CLHC1: variants seen among roughly 807,000 people sequenced by gnomAD.
CLHC1 encodes the protein clathrin heavy chain linker domain-containing protein 1.
Under a neutral mutation model 69.5 loss-of-function variants are expected in CLHC1, and 72 were observed. The observed-to-expected ratio is 1.04, with a 90% CI of 0.86 to 1.26. CLHC1 has a LOEUF of 1.26. Ranked by LOEUF, CLHC1 falls within the 50% of genes most tolerant of loss-of-function variation. CLHC1 has a pLI of 0.00. For synonymous variants in CLHC1, 223 were observed against 224.3 expected, an observed-to-expected ratio of 0.99 and a Z score of 0.05; for missense variants, 790 against 679.3, an observed-to-expected ratio of 1.16 and a Z score of -1.81.
At chr2:55,189,871 C>T (rs1167969178) in intron 9 of CLHC1, among the ~76,000 whole-genome samples, 4 of 152,150 alleles carry the variant, frequency 2.6e-5, no homozygotes, top group African/African-American at 7.2e-5. Flanking sequence ...TCATAATCCT[C>T]AGGTATGAGG....
At chr2:55,206,784 C>T in intron 8 of CLHC1, 1 of 184,280 alleles carries the variant, frequency 5.4e-6, no homozygotes. Context: ...AGAAACATCG[C>T]CTAAAGGAAA....
intron 4 of CLHC1, among the ~76,000 whole-genome samples, chr2:55,216,711 C>A (rs1377857795): frequency 6.6e-6 from 1 of 151,970 alleles, no homozygotes; most frequent in African/African-American, 2.4e-5. Context: ...TTTGTAACGA[C>A]AGGGACTCAC....
Position 55,212,680 on chromosome 2 carries a change from A to C in CLHC1, c.492T>G (p.Pro164=). 1 of 1,596,438 alleles carries C rather than the reference A, an allele frequency of 6.3e-7. No individual in the cohort carries two copies. The change falls in exon 5 of 13, where the codon CCT becomes CCG. Residue 164 remains proline, a synonymous_variant. Coordinates refer to ENST00000401408, the MANE Select transcript of CLHC1 (RefSeq NM_152385.4). ...YCTFSKDPSK[P]IPGMTLQESM... ...TTAAACAAAATACAATACCTGGAAT[A>C]GGTTTTGAAGGATCTTTGGAGAAAG...
rs138867292 is a variant in CLHC1, at chr2:55,217,911, G to A, written c.265C>T (p.Arg89Ter). The change falls in exon 4 of 13, where the codon CGA (arginine) becomes TGA (stop). Residue 89 changes from arginine (R) to a stop codon, truncating the protein, a stop_gained. Transcript: ENST00000401408. LOFTEE classifies it high-confidence loss of function. ...CCATGAAGACAAAATGTAGTTCTTCGGTCTTTCTTTATTGTCTCAATAAAG... is the reference window on the plus strand; with the variant it reads ...CCATGAAGACAAAATGTAGTTCTTCAGTCTTTCTTTATTGTCTCAATAAAG... ...DAFIETIKKD[R>*]RTTFCLHGKL... is the part of the protein sequence containing the mutation. 5.8e-5 allele frequency: 93 copies of A among 1,600,256 alleles called. No individual in the cohort carries two copies. The South Asian group carries it at 9.1e-4, about 16-fold the overall frequency.
chr2:55,207,808 GAAGTA>G (rs1402367741), intron 8 of CLHC1, among the ~76,000 whole-genome samples: 2 of 152,160 alleles, frequency 1.3e-5, no homozygotes, highest in Non-Finnish European at 2.9e-5. Context: ...AAAAAGAGCT[GAAGTA>G]AATACGGCAA....
intron 9 of CLHC1, among the ~76,000 whole-genome samples, chr2:55,197,141 G>A (rs945962281): frequency 6.6e-6 from 1 of 152,150 alleles, no homozygotes; most frequent in African/African-American, 2.4e-5. Flanking sequence ...AAAATAGGAA[G>A]GACTTTGTCT....
intron 2 of CLHC1, among the ~76,000 whole-genome samples, chr2:55,226,543 A>G (rs1674726268): frequency 6.6e-6 from 1 of 152,194 alleles, no homozygotes; most frequent in South Asian, 2.1e-4. Context: ...ATGTTGTTAA[A>G]TCGTTTTTTA....
chr2:55,208,724 A>G lies in CLHC1; in HGVS notation c.815-14T>C. 1 of 1,539,230 alleles carries G rather than the reference A, an allele frequency of 6.5e-7. No individual in the cohort carries two copies. The highest frequency in any genetic ancestry group is 9.0e-7 in the Non-Finnish European group (1 of 1,112,458). On this transcript the variant is annotated splice_polypyrimidine_tract_variant and intron_variant, in intron 7 of 12. Coordinates refer to ENST00000401408, the MANE Select transcript of CLHC1 (RefSeq NM_152385.4). ...TGCCTTGGTCACCTGTAAATATTGA[A>G]AGTACTACTGGAAGATATTTAAGGT...
At chr2:55,219,620 A>G (rs1026275351) in intron 3 of CLHC1, among the ~76,000 whole-genome samples, 42 of 152,072 alleles carry the variant, frequency 2.8e-4, no homozygotes, top group Admixed American at 2.4e-3. Flanking sequence ...CACAATCCCC[A>G]CCATTCCTTA....
intron 9 of CLHC1, among the ~76,000 whole-genome samples, chr2:55,184,267 G>A (rs981382934): frequency 6.6e-6 from 1 of 151,824 alleles, no homozygotes; most frequent in Non-Finnish European, 1.5e-5. Flanking sequence ...CACCACGGCC[G>A]GCTAATTTTT....
intron 9 of CLHC1, among the ~76,000 whole-genome samples, chr2:55,199,133 C>G (rs1230298140): frequency 6.6e-6 from 1 of 151,574 alleles, no homozygotes; most frequent in Admixed American, 6.6e-5. Flanking sequence ...CCCATCTCTA[C>G]TAAAATACAA....
chr2:55,212,526 A>G, intron 5 of CLHC1, 147 bp downstream of exon 5: 1 of 650,636 alleles, frequency 1.5e-6, no homozygotes, highest in South Asian at 2.0e-5. Flanking sequence ...CCTTGAATCT[A>G]CCTACAGTCC....
At chr2:55,191,888 G>C (rs972888241) in intron 9 of CLHC1, among the ~76,000 whole-genome samples, 6 of 152,058 alleles carry the variant, frequency 3.9e-5, no homozygotes, top group Non-Finnish European at 5.9e-5. Flanking sequence ...TGCACTCCCA[G>C]TTACTCTAGA....
chr2:55,207,225 A>G (rs2103920643), intron 8 of CLHC1, among the ~76,000 whole-genome samples: 1 of 152,278 alleles, frequency 6.6e-6, no homozygotes, highest in East Asian at 1.9e-4. Flanking sequence ...TTAGCACAAG[A>G]AGGAAAGATA....
chr2:55,176,033 T>A (rs1558436918), intron 12 of CLHC1, 47 bp from the exon 13 acceptor site: 1 of 1,460,072 alleles, frequency 6.8e-7, no homozygotes, highest in Non-Finnish European at 9.5e-7. Context: ...TATTTGATAA[T>A]CTATACTTTA....
In CLHC1 at chr2:55,223,708, G is replaced by C. The variant is rs556054377; in HGVS notation, c.-82-1215C>G. On this transcript the variant is annotated intron_variant, in intron 2 of 12. Transcript: ENST00000401408. ...TCAGCGGTCCCTGCTCACAGGCACC[G>C]CCCCCAGGAGCCTCGGCAGGGGCCT... Among the ~76,000 whole-genome samples, 369 of 152,156 alleles carry C rather than the reference G, an allele frequency of 2.4e-3. 1 individual carries two copies. The highest frequency in any genetic ancestry group is 8.5e-3 in the African/African-American group (354 of 41,520).
Position 55,180,409 on chromosome 2 carries a change from AT to A in CLHC1, c.1384+100del. 5.0e-6 allele frequency: 4 copies of A among 795,312 alleles called. No homozygotes were observed. The South Asian group carries it at 5.3e-5, about 11-fold the overall frequency. 49.3% of individuals were successfully genotyped at this position (795,312 alleles called of 1,614,324 possible). A position where few individuals can be genotyped will look rare whatever the true frequency, so the allele number is the denominator to read the frequency against. ...CTACTTATTGGTATATATAAAATTGATTTTATAACGTAAGTTTAAAGTAGTG... is the reference window on the plus strand; with the variant it reads ...CTACTTATTGGTATATATAAAATTGATTTATAACGTAAGTTTAAAGTAGTG... On this transcript the variant is annotated intron_variant, in intron 11 of 12. Transcript: ENST00000401408.
At chr2:55,179,408 T>C (rs770372858) in intron 11 of CLHC1, among the ~76,000 whole-genome samples, 8 of 152,156 alleles carry the variant, frequency 5.3e-5, no homozygotes, top group Non-Finnish European at 8.8e-5. Flanking sequence ...TAGCTATTAT[T>C]ACAATAATAG....
At chr2:55,186,425 A>AATAT (rs1670418592) in intron 9 of CLHC1, among the ~76,000 whole-genome samples, 2 of 152,204 alleles carry the variant, frequency 1.3e-5, no homozygotes, top group African/African-American at 2.4e-5. Context: ...TATACTTCAG[A>AATAT]ACTACAAACA....
Sources: allele counts gnomAD v4.1 joint callset (sites outside exome capture counted in the v4.1 genomes callset), GRCh38; gene constraint gnomAD v4.1.1; transcripts MANE v1.5; gene names NCBI Gene and HGNC (gene_info 2026-07-23, HGNC 2026-07-21).